The following MMS22L variants were observed in gnomAD, a reference collection of about 807,000 sequenced individuals.
MMS22L encodes the protein MMS22 like, DNA repair protein.
A neutral mutation model predicts 159.1 loss-of-function variants in MMS22L; 74 were observed. The ratio of observed to expected loss-of-function variants is 0.47; its 90% CI spans 0.39 to 0.56. MMS22L has a LOEUF of 0.56. Among genes scored for constraint, MMS22L ranks in the 20% least tolerant of loss-of-function variants. The pLI is 0.00. For synonymous variants in MMS22L, 517 were observed against 506.9 expected (o/e 1.02, Z -0.27); for missense variants, 1,351 against 1,422.1 (o/e 0.95, Z 0.80).
In MMS22L at chr6:97,225,428, G is replaced by C. The variant is rs1410981570; in HGVS notation, c.2039+3466C>G. Reference sequence around the variant, plus strand: ...TGCAGTGGCGTGATCTCGGCTTACTGCAACCACCACCTCCCGGGTTCAAGC... The same window carrying C: ...TGCAGTGGCGTGATCTCGGCTTACTCCAACCACCACCTCCCGGGTTCAAGC... On this transcript the variant is annotated intron_variant, in intron 14 of 24. Coordinates refer to ENST00000683635, the MANE Select transcript of MMS22L (RefSeq NM_001350599.2). Among the ~76,000 whole-genome samples, 3 of 150,786 alleles carry C rather than the reference G, an allele frequency of 2.0e-5. No homozygotes were observed. In the East Asian group the frequency reaches 5.8e-4, roughly 29 times the overall value.
intron 9 of MMS22L, among the ~76,000 whole-genome samples, chr6:97,262,656 T>TAAA (rs1814616987): frequency 3.2e-5 from 1 of 31,360 alleles, no homozygotes; most frequent in African/African-American, 1.0e-4. Flanking sequence ...CAAGACTGCC[T>TAAA]CAAAAAAAAA....
At chr6:97,233,386 C>T (rs916961454) in intron 12 of MMS22L, among the ~76,000 whole-genome samples, 3 of 152,054 alleles carry the variant, frequency 2.0e-5, no homozygotes, top group Non-Finnish European at 2.9e-5. Context: ...AAATTATGAC[C>T]TCATGAAGTC....
chr6:97,149,797 A>T (rs1344000902), intron 24 of MMS22L, 56 bp downstream of exon 24: 1 of 1,442,216 alleles, frequency 6.9e-7, no homozygotes. Flanking sequence ...CTATAAAATG[A>T]AATATAAATT....
chr6:97,200,570 C>G (rs1807029956), intron 14 of MMS22L, among the ~76,000 whole-genome samples: 1 of 152,000 alleles, frequency 6.6e-6, no homozygotes. Flanking sequence ...CTGCGTAGCA[C>G]CATTGATAAC....
At chr6:97,273,699 T>A (rs1048802052) in intron 4 of MMS22L, among the ~76,000 whole-genome samples, 1 of 152,188 alleles carries the variant, frequency 6.6e-6, no homozygotes, top group Non-Finnish European at 1.5e-5. Context: ...GTAGCCTATA[T>A]GGTTCTTGAT....
chr6:97,153,375 T>A (rs1410579754), intron 22 of MMS22L, among the ~76,000 whole-genome samples: 6 of 127,442 alleles, frequency 4.7e-5, no homozygotes, highest in African/African-American at 1.5e-4. Flanking sequence ...TTTTTTTTTT[T>A]TTTTTTTTTT....
chr6:97,229,395 G>A lies in MMS22L; in HGVS notation c.1538C>T (p.Ser513Leu). The A allele has an allele frequency of 6.4e-7, 1 of 1,554,486 alleles. No homozygotes were observed. The highest frequency in any genetic ancestry group is 8.7e-7 in the Non-Finnish European group (1 of 1,149,448). ...PWKQVKGRIY[S>L]KFHQKRMEEL... is the part of the protein sequence containing the mutation. ...TTCCATTCTTTTTTGATGGAATTTT[G>A]AATATATTCTGTAAAACATTAAAAA... is the stretch of plus-strand genomic sequence containing the variant. The change falls in exon 14 of 25, where the codon TCA (serine) becomes TTA (leucine). Residue 513 changes from serine to leucine, a missense_variant. Physicochemically the swap from Ser to Leu is moderately radical, Grantham distance 145. Transcript: ENST00000683635.
chr6:97,148,870 G>A (rs1801051238), intron 24 of MMS22L, among the ~76,000 whole-genome samples: 1 of 152,024 alleles, frequency 6.6e-6, no homozygotes, highest in Non-Finnish European at 1.5e-5. Flanking sequence ...GACCCACCCA[G>A]AGCAACTACT....
chr6:97,254,700 T>C lies in MMS22L; in HGVS notation c.976A>G (p.Thr326Ala). 1 of 1,608,152 alleles carries C rather than the reference T, an allele frequency of 6.2e-7. No individual in the cohort carries two copies. The highest frequency in any genetic ancestry group is 2.2e-5 in the East Asian group (1 of 44,732). ...CGGTCACTTGATTTTTCAAGCAGTG[T>C]TTTAAGTAGTTTATTCAACCAGTTC... ...FWNWLNKLLK[T>A]LLEKSSDRRR... The change falls in exon 10 of 25, where the codon ACA (threonine) becomes GCA (alanine). Residue 326 changes from threonine to alanine, a missense_variant. Physicochemically the swap from Thr to Ala is moderately conservative, Grantham distance 58. Coordinates refer to ENST00000683635, the MANE Select transcript of MMS22L (RefSeq NM_001350599.2).
At chr6:97,204,473 A>T (rs149965459) in intron 14 of MMS22L, among the ~76,000 whole-genome samples, 245 of 152,320 alleles carry the variant, frequency 1.6e-3, no homozygotes, top group African/African-American at 5.6e-3. Context: ...AAATGCATAG[A>T]GCTATAAAAC....
intron 9 of MMS22L, chr6:97,260,002 G>C (rs1444110974): frequency 1.3e-5 from 2 of 152,084 alleles, no homozygotes; most frequent in Admixed American, 1.3e-4. Context: ...GCTGCATTGA[G>C]GCCTTGTTTT....
In MMS22L at chr6:97,257,203, C is replaced by T. The variant is rs561661854; in HGVS notation, c.943-2470G>A. On this transcript the variant is annotated intron_variant, in intron 9 of 24. Transcript: ENST00000683635. ...TATAGTTAGAAGTATATCAGACATC[C>T]TCTCTATTCTTAATGTCTCTTAACC... 1.6e-3 allele frequency among the ~76,000 whole-genome samples: 237 copies of T among 152,122 alleles called. 2 individuals carry two copies. Among genetic ancestry groups the T allele is most frequent in the South Asian group, 4.3e-3 (21 of 4,828 alleles).
chr6:97,283,849 T>C (rs199834714), upstream of MMS22L, among the ~76,000 whole-genome samples: 5 of 152,348 alleles, frequency 3.3e-5, no homozygotes, highest in East Asian at 7.7e-4. Flanking sequence ...GTACAAAGTG[T>C]ATAGTCTGAT....
intron 23 of MMS22L, among the ~76,000 whole-genome samples, chr6:97,150,986 C>G (rs1245590608): frequency 6.6e-6 from 1 of 152,166 alleles, no homozygotes; most frequent in Non-Finnish European, 1.5e-5. Flanking sequence ...TCTATAAAGT[C>G]CATGCTTCAC....
intron 13 of MMS22L, 129 bp downstream of exon 13, chr6:97,231,297 T>C (rs1810834439): frequency 1.5e-6 from 1 of 659,202 alleles, no homozygotes; most frequent in East Asian, 2.7e-5. Flanking sequence ...ATCAAATGCA[T>C]ATAATGGATT....
At chr6:97,269,280 T>C (rs1815481676) in intron 7 of MMS22L, among the ~76,000 whole-genome samples, 2 of 151,898 alleles carry the variant, frequency 1.3e-5, no homozygotes, top group South Asian at 4.2e-4. Context: ...CTGGCAAGAG[T>C]ATGAAGTAAA....
chr6:97,158,647 C>T (rs1269513652), intron 22 of MMS22L, among the ~76,000 whole-genome samples: 1 of 152,174 alleles, frequency 6.6e-6, no homozygotes, highest in East Asian at 1.9e-4. Flanking sequence ...ATCCTGAGTT[C>T]CAACTGGACT....
chr6:97,200,653 T>C (rs1807040518), intron 14 of MMS22L, among the ~76,000 whole-genome samples: 1 of 151,998 alleles, frequency 6.6e-6, no homozygotes, highest in Non-Finnish European at 1.5e-5. Context: ...ATAAGAAATG[T>C]TAAAGTGGTG....
In MMS22L at chr6:97,165,354, G is replaced by A; in HGVS notation, c.3113C>T (p.Ser1038Leu). Residue 1038 changes from serine to leucine, a missense_variant, in exon 21 of 25, where the codon TCA (serine) becomes TTA (leucine). Transcript: ENST00000683635. ...TTGTCCAAGATCTGAAACATATGGT[G>A]AAGCTGGAAGAAATCGCCCAATATA... ...EQYIGRFLPA[S>L]PYVSDLGQHP... 6.2e-7 allele frequency: 1 copy of A among 1,613,412 alleles called. No individual in the cohort carries two copies. The highest frequency in any genetic ancestry group is 8.5e-7 in the Non-Finnish European group (1 of 1,179,644).
Sources: gnomAD v4.1 joint callset for allele counts (sites outside exome capture counted in the v4.1 genomes callset) on GRCh38, gnomAD v4.1.1 for gene constraint, MANE v1.5 for transcripts, NCBI Gene and HGNC (gene_info 2026-07-23, HGNC 2026-07-21) for gene names.